PEX5L: variants seen among roughly 807,000 people sequenced by gnomAD.
The protein encoded by PEX5L is peroxisomal biogenesis factor 5 like.
In PEX5L, 30 loss-of-function variants were observed where a neutral mutation model predicts 84.0. The ratio of observed to expected loss-of-function variants is 0.36; its 90% CI spans 0.27 to 0.48. The LOEUF is 0.48. Among genes scored for constraint, PEX5L ranks in the 20% least tolerant of loss-of-function variants. PEX5L has a pLI of 0.99. For synonymous variants in PEX5L, 270 were observed against 283.1 expected (o/e 0.95, Z 0.46); for missense variants, 533 against 754.6 (o/e 0.71, Z 3.44).
chr3:179,877,968 T>A (rs1752999424), intron 5 of PEX5L, among the ~76,000 whole-genome samples: 1 of 151,022 alleles, frequency 6.6e-6, no homozygotes, highest in Admixed American at 6.6e-5. Context: ...TTACAATCTA[T>A]CCCTGGAAGA....
At chr3:179,972,060 A>C (rs1224596042) in intron 1 of PEX5L, among the ~76,000 whole-genome samples, 1 of 152,110 alleles carries the variant, frequency 6.6e-6, no homozygotes, top group African/African-American at 2.4e-5. Flanking sequence ...CCAACTATTC[A>C]ATGTTTTGTT....
intron 10 of PEX5L, among the ~76,000 whole-genome samples, chr3:179,814,647 G>A (rs1400647377): frequency 2.0e-5 from 3 of 152,136 alleles, no homozygotes; most frequent in Non-Finnish European, 2.9e-5. Context: ...CTTATGATAG[G>A]CCTTCACAGG....
chr3:179,817,972 G>GT (rs1490292952), intron 9 of PEX5L, among the ~76,000 whole-genome samples: 2 of 152,156 alleles, frequency 1.3e-5, no homozygotes, highest in African/African-American at 2.4e-5. Context: ...GGAAAAGACA[G>GT]TTACTTTTAA....
At chr3:179,961,941 G>T (rs938750355) in intron 2 of PEX5L, among the ~76,000 whole-genome samples, 1 of 152,228 alleles carries the variant, frequency 6.6e-6, no homozygotes, top group Non-Finnish European at 1.5e-5. Flanking sequence ...AGGTGGAGAG[G>T]CCCTGAGAGA....
rs552871377 is a variant in PEX5L, at chr3:179,940,340, A to C, written c.93+31254T>G. On this transcript the variant is annotated intron_variant, in intron 2 of 14. Transcript: ENST00000467460. Reference sequence around the variant, plus strand: ...TGGGAAGAGAAAGAAAGAGGTGGTGAGAGAGAGAGAAGAGTGAAATTGAAT... The same window carrying C: ...TGGGAAGAGAAAGAAAGAGGTGGTGCGAGAGAGAGAAGAGTGAAATTGAAT... 3.9e-5 allele frequency among the ~76,000 whole-genome samples: 6 copies of C among 151,990 alleles called. No homozygotes were observed. The East Asian group carries it at 1.2e-3, about 30-fold the overall frequency.
chr3:179,941,369 G>A (rs1776043451), intron 2 of PEX5L, among the ~76,000 whole-genome samples: 1 of 152,054 alleles, frequency 6.6e-6, no homozygotes, highest in East Asian at 1.9e-4. Flanking sequence ...TTCTCTACGA[G>A]GTACTTCATA....
rs1276363228 is a variant in PEX5L at position 179,803,483 on chromosome 3, A to T, written c.1677-1451T>A. 2.0e-5 allele frequency among the ~76,000 whole-genome samples: 3 copies of T among 152,184 alleles called. No homozygotes were observed. In the East Asian group the frequency reaches 5.8e-4, roughly 29 times the overall value. On this transcript the variant is annotated intron_variant, in intron 14 of 14. Coordinates refer to ENST00000467460, the MANE Select transcript of PEX5L (RefSeq NM_016559.3). ...ACAAGCCGAGTTAGATGCTGTCTGA[A>T]GTCCTTCTAGCTCCTCTAGCCCACT...
chr3:179,814,087 C>T (rs1020719486), intron 10 of PEX5L, among the ~76,000 whole-genome samples: 1 of 151,812 alleles, frequency 6.6e-6, no homozygotes, highest in South Asian at 2.1e-4. Flanking sequence ...TCCCAAAGTG[C>T]TGAGATTACA....
At position 179,795,816 on chromosome 3, in the gene PEX5L, G is replaced by A. The variant is rs1163391525; in HGVS notation, c.*6012C>T. ...ATAGATATATAAAATATGTAGAAAT[G>A]TCTTTTCTAAATAGTTAAATGTTTG... is the stretch of plus-strand genomic sequence containing the variant. On this transcript the variant is annotated 3_prime_UTR_variant, in exon 15 of 15. Coordinates refer to ENST00000467460, the MANE Select transcript of PEX5L (RefSeq NM_016559.3). 6.6e-6 allele frequency: 1 copy of A among 152,038 alleles called. No individual in the cohort carries two copies. Among genetic ancestry groups the A allele is most frequent in the African/African-American group, 2.4e-5 (1 of 41,418 alleles). 9.4% of individuals were successfully genotyped at this position (152,038 alleles called of 1,614,324 possible). A position where few individuals can be genotyped will look rare whatever the true frequency, so the allele number is the denominator to read the frequency against.
intron 14 of PEX5L, among the ~76,000 whole-genome samples, chr3:179,806,662 A>AT (rs1721418596): frequency 6.6e-6 from 1 of 152,268 alleles, no homozygotes; most frequent in Non-Finnish European, 1.5e-5. Context: ...GATGGCAAAA[A>AT]TAATAATCAT....
rs989136728 is a variant in PEX5L at position 179,831,582 on chromosome 3, A to G, written c.823-11606T>C. ...TGCTCACCCTGCTGCTGGAGTGTGCAATTTGCTGGGGCATAGACAGATGCA... is the reference window on the plus strand; with the variant it reads ...TGCTCACCCTGCTGCTGGAGTGTGCGATTTGCTGGGGCATAGACAGATGCA... On this transcript the variant is annotated intron_variant, in intron 8 of 14. Coordinates refer to ENST00000467460, the MANE Select transcript of PEX5L (RefSeq NM_016559.3). 3.3e-5 allele frequency among the ~76,000 whole-genome samples: 5 copies of G among 152,150 alleles called. No individual in the cohort carries two copies. In the East Asian group the frequency reaches 7.7e-4, roughly 23 times the overall value.
chr3:179,892,752 C>A (rs1757984100), intron 3 of PEX5L, among the ~76,000 whole-genome samples: 1 of 152,052 alleles, frequency 6.6e-6, no homozygotes, highest in South Asian at 2.1e-4. Context: ...AAATACAAAG[C>A]TTCTACCAAG....
chr3:179,937,391 C>A (rs1039482153), intron 2 of PEX5L, among the ~76,000 whole-genome samples: 1 of 151,928 alleles, frequency 6.6e-6, no homozygotes, highest in African/African-American at 2.4e-5. Context: ...TTGTACTTTT[C>A]TGTAAATCTA....
At chr3:179,937,227 G>A (rs1774845830) in intron 2 of PEX5L, among the ~76,000 whole-genome samples, 1 of 152,164 alleles carries the variant, frequency 6.6e-6, no homozygotes, top group South Asian at 2.1e-4. Flanking sequence ...GGGAACTGCA[G>A]ATGAAATCCA....
intron 8 of PEX5L, among the ~76,000 whole-genome samples, chr3:179,847,918 G>C (rs1238082188): frequency 1.3e-5 from 2 of 151,604 alleles, no homozygotes; most frequent in East Asian, 3.9e-4. Flanking sequence ...GGCTGGTCTT[G>C]AACTCCTGGG....
chr3:179,841,879 G>A (rs141499731), intron 8 of PEX5L, among the ~76,000 whole-genome samples: 6 of 152,278 alleles, frequency 3.9e-5, no homozygotes, highest in Admixed American at 6.5e-5. Flanking sequence ...CTTCAACAGG[G>A]CTTTAGAAAT....
intron 2 of PEX5L, among the ~76,000 whole-genome samples, chr3:179,899,713 A>G (rs570690652): frequency 6.6e-6 from 1 of 152,176 alleles, no homozygotes; most frequent in Non-Finnish European, 1.5e-5. Flanking sequence ...AAATGTGTGT[A>G]TCTGTTTACA....
At chr3:179,927,604 A>C (rs191580975) in intron 2 of PEX5L, among the ~76,000 whole-genome samples, 1 of 152,332 alleles carries the variant, frequency 6.6e-6, no homozygotes, top group African/African-American at 2.4e-5. Context: ...AACTAATAAT[A>C]AAATTGGGCT....
intron 14 of PEX5L, among the ~76,000 whole-genome samples, chr3:179,803,507 C>T (rs992037469): frequency 6.6e-6 from 1 of 152,202 alleles, no homozygotes; most frequent in Non-Finnish European, 1.5e-5. Context: ...CTCTAGCCCA[C>T]TAGTCCACTC....
Sources: allele counts gnomAD v4.1 joint callset (sites outside exome capture counted in the v4.1 genomes callset), GRCh38; gene constraint gnomAD v4.1.1; transcripts MANE v1.5; gene names NCBI Gene and HGNC (gene_info 2026-07-23, HGNC 2026-07-21).